SSBP2: variants seen among roughly 807,000 people sequenced by gnomAD.
SSBP2 encodes the protein single-stranded DNA-binding protein 2.
A neutral mutation model predicts 61.8 loss-of-function variants in SSBP2; 17 were observed. The observed-to-expected ratio is 0.28, with a 90% CI of 0.19 to 0.41. SSBP2 has a LOEUF of 0.41. Among genes scored for constraint, SSBP2 ranks in the 10% least tolerant of loss-of-function variants. The probability of loss-of-function intolerance (pLI) is 1.00; values close to 1 mark genes in which losing one functional copy is unlikely to be tolerated. For missense variants in SSBP2, 310 were observed against 458.7 expected (o/e 0.68, Z 2.96); for synonymous variants, 139 against 141.3 (o/e 0.98, Z 0.12).
Position 81,430,656 on chromosome 5 carries a change from C to A in SSBP2, c.958-1973G>T, listed in dbSNP as rs573639171. Among the ~76,000 whole-genome samples the A allele has an allele frequency of 7.9e-5, 12 of 152,156 alleles. No individual in the cohort carries two copies. In the South Asian group the frequency reaches 2.5e-3, roughly 32 times the overall value. On this transcript the variant is annotated intron_variant, in intron 15 of 16. Coordinates refer to ENST00000320672, the MANE Select transcript of SSBP2 (RefSeq NM_012446.5). Reference sequence around the variant, plus strand: ...TGTTTAAATACACACAAAATACTTCCAGTGTTATTATTTCTGTTTTACATG... The same window carrying A: ...TGTTTAAATACACACAAAATACTTCAAGTGTTATTATTTCTGTTTTACATG...
At chr5:81,696,486 T>TG (rs911346503) in intron 1 of SSBP2, among the ~76,000 whole-genome samples, 1 of 152,096 alleles carries the variant, frequency 6.6e-6, no homozygotes, top group African/African-American at 2.4e-5. Flanking sequence ...GTATGGAAGT[T>TG]GGGGGTGGGA....
chr5:81,448,495 A>T (rs1001521645), intron 11 of SSBP2, among the ~76,000 whole-genome samples: 28 of 152,186 alleles, frequency 1.8e-4, no homozygotes, highest in African/African-American at 6.8e-4. Flanking sequence ...AAATTCAAGC[A>T]TATTACTGTG....
chr5:81,640,964 T>C (rs1327282665), intron 2 of SSBP2, among the ~76,000 whole-genome samples: 2 of 152,238 alleles, frequency 1.3e-5, no homozygotes, highest in Non-Finnish European at 2.9e-5. Flanking sequence ...TTTTTCAAAG[T>C]ACTGTCCTTA....
At chr5:81,715,772 T>C (rs1017449873) in intron 1 of SSBP2, among the ~76,000 whole-genome samples, 1 of 152,062 alleles carries the variant, frequency 6.6e-6, no homozygotes, top group Non-Finnish European at 1.5e-5. Context: ...ACAAGATAGA[T>C]GGCCAGGTGC....
At chr5:81,722,043 ACT>A (rs1448011853) in intron 1 of SSBP2, among the ~76,000 whole-genome samples, 1 of 152,042 alleles carries the variant, frequency 6.6e-6, no homozygotes, top group Non-Finnish European at 1.5e-5. Flanking sequence ...CTGCTGACAC[ACT>A]CTAGCATTCC....
intron 2 of SSBP2, among the ~76,000 whole-genome samples, chr5:81,646,960 A>G (rs1581244509): frequency 6.6e-6 from 1 of 152,188 alleles, no homozygotes; most frequent in East Asian, 1.9e-4. Context: ...AAACCCAAGC[A>G]GCTAGATACT....
chr5:81,505,563 G>A (rs1232005609), intron 5 of SSBP2, among the ~76,000 whole-genome samples: 2 of 151,976 alleles, frequency 1.3e-5, no homozygotes, highest in Non-Finnish European at 2.9e-5. Flanking sequence ...AATAGCCTTT[G>A]CATATTTACA....
At chr5:81,435,415 A>G (rs1762613484) in intron 15 of SSBP2, among the ~76,000 whole-genome samples, 1 of 152,220 alleles carries the variant, frequency 6.6e-6, no homozygotes, top group Non-Finnish European at 1.5e-5. Flanking sequence ...CTATGTCCCC[A>G]TAGTGCAGAA....
intron 4 of SSBP2, among the ~76,000 whole-genome samples, chr5:81,556,022 C>T (rs1411453959): frequency 6.6e-6 from 1 of 152,094 alleles, no homozygotes; most frequent in Non-Finnish European, 1.5e-5. Context: ...CAGCCACAGA[C>T]GTACGTCAAG....
intron 1 of SSBP2, among the ~76,000 whole-genome samples, chr5:81,666,170 G>A (rs188197479): frequency 4.9e-4 from 74 of 152,228 alleles, no homozygotes; most frequent in Admixed American, 1.3e-4. Flanking sequence ...CTCTGCCAAT[G>A]GAACCAAATA....
At chr5:81,631,987 T>C (rs2153660484) in intron 3 of SSBP2, among the ~76,000 whole-genome samples, 1 of 152,212 alleles carries the variant, frequency 6.6e-6, no homozygotes, top group East Asian at 1.9e-4. Flanking sequence ...GATCATACTG[T>C]AGAAAATTGG....
chr5:81,733,188 C>T (rs896654058), intron 1 of SSBP2, among the ~76,000 whole-genome samples: 4 of 151,986 alleles, frequency 2.6e-5, no homozygotes, highest in Non-Finnish European at 5.9e-5. Context: ...TAGTGTCAAT[C>T]GGCAAGATGA....
intron 3 of SSBP2, among the ~76,000 whole-genome samples, chr5:81,623,756 T>A (rs951537302): frequency 6.6e-6 from 1 of 152,146 alleles, no homozygotes; most frequent in Non-Finnish European, 1.5e-5. Context: ...TATTTCTAAA[T>A]ATATAGTTAA....
At chr5:81,527,004 G>T (rs1769995707) in intron 4 of SSBP2, among the ~76,000 whole-genome samples, 1 of 151,802 alleles carries the variant, frequency 6.6e-6, no homozygotes, top group Admixed American at 6.6e-5. Flanking sequence ...TAACGCAACA[G>T]AATTAAAAGT....
intron 3 of SSBP2, among the ~76,000 whole-genome samples, chr5:81,628,647 A>G (rs1192006715): frequency 6.6e-6 from 1 of 152,230 alleles, no homozygotes; most frequent in Non-Finnish European, 1.5e-5. Context: ...GCAAGTTTTC[A>G]GAGGGGATTT....
chr5:81,560,859 G>A (rs1317902877), intron 4 of SSBP2, among the ~76,000 whole-genome samples: 1 of 152,050 alleles, frequency 6.6e-6, no homozygotes, highest in Non-Finnish European at 1.5e-5. Flanking sequence ...ACATTGTGGT[G>A]AGAAATTTAA....
chr5:81,537,627 T>C (rs975125694), intron 4 of SSBP2, among the ~76,000 whole-genome samples: 2 of 152,200 alleles, frequency 1.3e-5, no homozygotes, highest in Admixed American at 6.5e-5. Flanking sequence ...CATTCAGGTC[T>C]GTCACATTTG....
chr5:81,588,983 T>A (rs1341885685), intron 4 of SSBP2, among the ~76,000 whole-genome samples: 1 of 152,146 alleles, frequency 6.6e-6, no homozygotes, highest in Non-Finnish European at 1.5e-5. Flanking sequence ...AAAAACTCCT[T>A]GAGCCCAGGA....
intron 1 of SSBP2, among the ~76,000 whole-genome samples, chr5:81,704,784 T>C (rs1754245970): frequency 9.6e-6 from 1 of 104,408 alleles, no homozygotes; most frequent in Admixed American, 1.6e-4. Context: ...TGACGGGGAA[T>C]GATTCCATCT....
Sources: gnomAD v4.1 joint callset for allele counts (sites outside exome capture counted in the v4.1 genomes callset) on GRCh38, gnomAD v4.1.1 for gene constraint, MANE v1.5 for transcripts, NCBI Gene and HGNC (gene_info 2026-07-23, HGNC 2026-07-21) for gene names.